Variants in TLE2 observed in about 807,000 individuals in gnomAD.
TLE2 encodes transducin-like enhancer protein 2.
A neutral mutation model predicts 97.2 loss-of-function variants in TLE2; 74 were observed. The observed-to-expected ratio is 0.76, with a 90% confidence interval of 0.63 to 0.92. TLE2 has a LOEUF of 0.92. Among genes scored for constraint, TLE2 ranks in the 40% least tolerant of loss-of-function variants. TLE2 has a pLI of 0.00. For synonymous variants in TLE2, 499 were observed against 432.1 expected, an observed-to-expected ratio of 1.15 and a Z score of -1.92; for missense variants, 1,038 against 1,008.7, an observed-to-expected ratio of 1.03 and a Z score of -0.39.
intron 11 of TLE2, among the ~76,000 whole-genome samples, chr19:3,011,917 CT>C (rs34532454): frequency 5.8e-4 from 85 of 145,926 alleles, no homozygotes; most frequent in Admixed American, 7.6e-4. Flanking sequence ...ATTTGCAATT[CT>C]TTTTTTTTTT....
intron 1 of TLE2, among the ~76,000 whole-genome samples, chr19:3,036,350 C>G (rs2090062473): frequency 6.6e-6 from 1 of 152,250 alleles, no homozygotes; most frequent in Non-Finnish European, 1.5e-5. Context: ...CTCTCCCGCC[C>G]GTCGCCTCCC....
chr19:3,021,302 G>A (rs2089838742), intron 5 of TLE2, among the ~76,000 whole-genome samples: 1 of 151,582 alleles, frequency 6.6e-6, no homozygotes, highest in Non-Finnish European at 1.5e-5. Flanking sequence ...CTACTCGGGA[G>A]GCTGGGGCAG....
At chr19:3,003,495 G>A (rs1048458300) in intron 17 of TLE2, among the ~76,000 whole-genome samples, 2 of 152,040 alleles carry the variant, frequency 1.3e-5, no homozygotes, top group Admixed American at 6.6e-5. Context: ...AAAATTAGCT[G>A]GGCGTGGCTG....
chr19:3,027,993 GCC>G, intron 3 of TLE2, 120 bp from the exon 4 acceptor site: 1 of 997,988 alleles, frequency 1.0e-6, no homozygotes, highest in Non-Finnish European at 1.5e-6. Context: ...AGGAAGCAGA[GCC>G]CCCCCCAGCT....
upstream of TLE2, chr19:3,029,543 T>C: frequency 1.5e-6 from 1 of 649,612 alleles, no homozygotes; most frequent in Non-Finnish European, 1.8e-6. Flanking sequence ...CACACCGTGT[T>C]ACCCACCGTG....
intron 9 of TLE2, among the ~76,000 whole-genome samples, chr19:3,015,058 CAAAAAAA>C (rs34658846): frequency 7.7e-6 from 1 of 130,516 alleles, no homozygotes; most frequent in Non-Finnish European, 1.6e-5. Flanking sequence ...AATTCATTGC[CAAAAAAA>C]AAAAAAAAAA....
chr19:3,009,043 C>T (rs2089535849), intron 13 of TLE2, 98 bp from the exon 14 acceptor site: 4 of 964,728 alleles, frequency 4.1e-6, no homozygotes, highest in Non-Finnish European at 6.0e-6. Flanking sequence ...TGTTTATCAC[C>T]CCTCCCCAAG....
intron 14 of TLE2, among the ~76,000 whole-genome samples, chr19:3,007,180 G>A (rs1024797457): frequency 6.6e-6 from 1 of 151,038 alleles, no homozygotes; most frequent in Non-Finnish European, 1.5e-5. Context: ...CTCTGCTTCC[G>A]GGGTTCAAGT....
chr19:2,997,751 T>A lies in TLE2; in HGVS notation c.*97A>T. On this transcript the variant is annotated 3_prime_UTR_variant, in exon 20 of 20. Coordinates refer to ENST00000262953, the MANE Select transcript of TLE2 (RefSeq NM_003260.5). ...CCAGAGAGCAGATGGGATGTACGGT[T>A]CCTAGGCAGGGCTGGGAGGCGGCTG... 1 of 870,524 alleles carries A rather than the reference T, an allele frequency of 1.1e-6. No individual in the cohort carries two copies. Among genetic ancestry groups the A allele is most frequent in the Non-Finnish European group, 1.9e-6 (1 of 534,656 alleles). 53.9% of individuals were successfully genotyped at this position (870,524 alleles called of 1,614,324 possible).
rs200341404 is a variant in TLE2, at chr19:3,000,601, C to T, written c.2124+46G>A. The T allele has an allele frequency of 2.8e-3, 4,361 of 1,534,062 alleles. 16 individuals carry two copies. The highest frequency in any genetic ancestry group is 4.7e-3 in the African/African-American group (342 of 72,856). ...TCTCTCTGTCTGACCCTGGCATACCCGGGCACATGGCCCTGCCAGAGTGGG... is the reference window on the plus strand; with the variant it reads ...TCTCTCTGTCTGACCCTGGCATACCTGGGCACATGGCCCTGCCAGAGTGGG... On this transcript the variant is annotated intron_variant, in intron 19 of 19. Coordinates refer to ENST00000262953, the MANE Select transcript of TLE2 (RefSeq NM_003260.5).
intron 17 of TLE2, 132 bp from the exon 18 acceptor site, chr19:3,002,635 C>A: frequency 9.4e-7 from 1 of 1,059,094 alleles, no homozygotes. Flanking sequence ...ACCTCCAGGG[C>A]TCAAGAGATC....
At chr19:3,046,175 C>T (rs2090139773), upstream of TLE2, among the ~76,000 whole-genome samples, 1 of 152,182 alleles carries the variant, frequency 6.6e-6, no homozygotes, top group South Asian at 2.1e-4. Flanking sequence ...GTTCTGATGT[C>T]CGTGGGCCTC....
At chr19:3,034,644 AGCCTCCTGTCTTCTTC>A (rs1419272443) in intron 1 of TLE2, among the ~76,000 whole-genome samples, 3 of 151,596 alleles carry the variant, frequency 2.0e-5, no homozygotes, top group Admixed American at 2.0e-4. Flanking sequence ...CTTCTCCCCC[AGCCTCCTGTCTTCTTC>A]GCCTCCTGTC....
In TLE2 at chr19:3,005,469, G is replaced by A. The variant is rs764714978; in HGVS notation, c.1864C>T (p.Arg622Cys). ...CTGAAGTCATGCTGCTGCAGCTGGC[G>A]GCCCTCCCGCAGGTCCCAGCAGCGC... ...TVRCWDLREG[R>C]QLQQHDFSSQ... Residue 622 changes from arginine to cysteine, a missense_variant, in exon 17 of 20, where the codon CGC becomes TGC. Arg to Cys is a radical substitution (Grantham distance 180). Coordinates refer to ENST00000262953, the MANE Select transcript of TLE2 (RefSeq NM_003260.5). 3 of 1,613,652 alleles carry A rather than the reference G, an allele frequency of 1.9e-6. No homozygotes were observed. The highest frequency in any genetic ancestry group is 3.3e-5 in the Admixed American group (2 of 59,966).
At chr19:3,028,637 A>G in intron 2 of TLE2, 69 bp downstream of exon 2, 3 of 1,550,682 alleles carry the variant, frequency 1.9e-6, no homozygotes, top group Non-Finnish European at 2.7e-6. Context: ...CCCGCCCTAT[A>G]CCCCGGAGGC....
chr19:3,017,262 C>G (rs745425977), intron 8 of TLE2, among the ~76,000 whole-genome samples: 1 of 151,608 alleles, frequency 6.6e-6, no homozygotes, highest in African/African-American at 2.4e-5. Flanking sequence ...CTTGACCTCC[C>G]GAGTAGCTGG....
intron 11 of TLE2, among the ~76,000 whole-genome samples, chr19:3,012,091 A>G (rs1383778053): frequency 6.6e-6 from 1 of 151,804 alleles, no homozygotes; most frequent in East Asian, 1.9e-4. Context: ...CTAAAAATAC[A>G]AAAAATTAGC....
intron 1 of TLE2, among the ~76,000 whole-genome samples, chr19:3,040,584 C>T (rs2090093088): frequency 6.6e-6 from 1 of 152,210 alleles, no homozygotes; most frequent in Middle Eastern, 3.4e-3. Context: ...AGGGATCCTC[C>T]TGCCTCGGCC....
chr19:3,033,317 A>G (rs550583779), upstream of TLE2, among the ~76,000 whole-genome samples: 7 of 151,818 alleles, frequency 4.6e-5, no homozygotes, highest in South Asian at 2.1e-4. Flanking sequence ...ACAGGCGCCC[A>G]CCACCACGCC....
Sources: gnomAD v4.1 joint callset for allele counts (sites outside exome capture counted in the v4.1 genomes callset) on GRCh38, gnomAD v4.1.1 for gene constraint, MANE v1.5 for transcripts, NCBI Gene and HGNC (gene_info 2026-07-23, HGNC 2026-07-21) for gene names.